AGBL1: variants seen among roughly 807,000 people sequenced by gnomAD.
AGBL1 encodes cytosolic carboxypeptidase 4.
In AGBL1, 130 loss-of-function variants were observed where a neutral mutation model predicts 118.9. The observed-to-expected ratio is 1.09, with a 90% CI of 0.95 to 1.26. The LOEUF is 1.26. Among genes scored for constraint, AGBL1 ranks in the 50% most tolerant of loss-of-function variants. The probability of loss-of-function intolerance (pLI) is 0.00; values close to 1 mark genes in which losing one functional copy is unlikely to be tolerated. For synonymous variants in AGBL1, 555 were observed against 478.9 expected, an observed-to-expected ratio of 1.16 and a Z score of -2.08; for missense variants, 1,584 against 1,298.1, an observed-to-expected ratio of 1.22 and a Z score of -3.38.
rs1056259756 is a variant in AGBL1 at position 86,914,645 on chromosome 15, T to G, written c.*7351T>G. 6.6e-6 allele frequency: 1 copy of G among 152,224 alleles called. No individual in the cohort carries two copies. Among genetic ancestry groups the G allele is most frequent in the African/African-American group, 2.4e-5 (1 of 41,466 alleles). The allele number at this position is 152,224 out of a possible 1,614,324, so 9.4% of individuals were successfully genotyped here. ...TTCAGCCCAACGAGCTAAACTCTGT[T>G]GTTATGCTCACTTTATAAATGAGGG... On this transcript the variant is annotated 3_prime_UTR_variant, in exon 23 of 23. Coordinates refer to ENST00000614907, the MANE Select transcript of AGBL1 (RefSeq NM_001386094.1).
intron 22 of AGBL1, among the ~76,000 whole-genome samples, chr15:86,741,492 T>C (rs2077679582): frequency 7.2e-6 from 1 of 139,842 alleles, no homozygotes; most frequent in South Asian, 2.4e-4. Flanking sequence ...AAATAAGCAC[T>C]GATAATGTAA....
chr15:86,444,291 G>C (rs533853590), intron 18 of AGBL1, among the ~76,000 whole-genome samples: 2 of 152,118 alleles, frequency 1.3e-5, no homozygotes, highest in East Asian at 3.9e-4. Flanking sequence ...TCCTCATTCC[G>C]CTTTTCTTCA....
At chr15:86,178,132 T>A (rs1163366368) in intron 5 of AGBL1, among the ~76,000 whole-genome samples, 3 of 152,116 alleles carry the variant, frequency 2.0e-5, no homozygotes. Flanking sequence ...GCCAACGTGA[T>A]GTAACCCTGT....
chr15:86,937,802 A>C (rs1446595228), intron 23 of AGBL1, among the ~76,000 whole-genome samples: 1 of 152,200 alleles, frequency 6.6e-6, no homozygotes, highest in Non-Finnish European at 1.5e-5. Flanking sequence ...AACTAAAATA[A>C]AAGTTAAAAC....
chr15:86,154,543 C>T lies in AGBL1; in HGVS notation c.376C>T (p.Arg126Cys), dbSNP rs763415157. The part of the protein sequence containing the change: ...QNLLHCLWAL[R>C]VFASSVSMGA... Reference sequence around the variant, plus strand: ...TCTCCTCCACTGTCTCTGGGCTCTGCGTGTGTTTGCCTCCAGTGGTAAGTG... The same window carrying T: ...TCTCCTCCACTGTCTCTGGGCTCTGTGTGTGTTTGCCTCCAGTGGTAAGTG... Residue 126 changes from arginine to cysteine, a missense_variant, in exon 4 of 23, where the codon CGT becomes TGT. Arg to Cys is a radical substitution (Grantham distance 180). Coordinates refer to ENST00000614907, the MANE Select transcript of AGBL1 (RefSeq NM_001386094.1). The T allele has an allele frequency of 8.1e-6, 13 of 1,609,484 alleles. No individual in the cohort carries two copies. The highest frequency in any genetic ancestry group is 7.7e-5 in the South Asian group (7 of 90,370).
chr15:86,838,135 A>G (rs951669048), intron 22 of AGBL1, among the ~76,000 whole-genome samples: 4 of 151,998 alleles, frequency 2.6e-5, no homozygotes, highest in Non-Finnish European at 5.9e-5. Flanking sequence ...CCATTTGGGA[A>G]TTTTTTGGCT....
chr15:86,953,104 G>A (rs115404187), intron 23 of AGBL1, among the ~76,000 whole-genome samples: 252 of 152,196 alleles, frequency 1.7e-3, no homozygotes, highest in African/African-American at 5.7e-3. Flanking sequence ...GTAGTATGAT[G>A]CCTCCAGCTT....
At chr15:86,456,624 C>A (rs1388143738) in intron 18 of AGBL1, among the ~76,000 whole-genome samples, 1 of 152,058 alleles carries the variant, frequency 6.6e-6, no homozygotes, top group Non-Finnish European at 1.5e-5. Context: ...GGCAATAGTC[C>A]CCAAGGAGAA....
At chr15:86,815,362 C>A (rs1402982414) in intron 22 of AGBL1, among the ~76,000 whole-genome samples, 1 of 152,132 alleles carries the variant, frequency 6.6e-6, no homozygotes, top group Non-Finnish European at 1.5e-5. Flanking sequence ...GGTCCACCAC[C>A]AATTTCTAGT....
intron 3 of AGBL1, among the ~76,000 whole-genome samples, chr15:86,150,818 A>C (rs2077097628): frequency 6.6e-6 from 1 of 152,160 alleles, no homozygotes; most frequent in Non-Finnish European, 1.5e-5. Context: ...ACACAACAAA[A>C]AGAATTTTAG....
intron 21 of AGBL1, among the ~76,000 whole-genome samples, chr15:86,640,217 A>G (rs754027123): frequency 2.0e-5 from 3 of 152,168 alleles, no homozygotes; most frequent in Admixed American, 6.6e-5. Flanking sequence ...AAAATAGACA[A>G]ATTCCTTCCA....
chr15:86,688,342 C>T (rs1429551590), intron 22 of AGBL1, among the ~76,000 whole-genome samples: 5 of 152,010 alleles, frequency 3.3e-5, no homozygotes, highest in Admixed American at 6.6e-5. Context: ...CAAGAAGGAA[C>T]AGAGGTCAAG....
intron 5 of AGBL1, among the ~76,000 whole-genome samples, chr15:86,172,114 CA>C (rs1214205525): frequency 6.6e-6 from 1 of 152,036 alleles, no homozygotes; most frequent in Admixed American, 6.6e-5. Flanking sequence ...GATGGTGCAC[CA>C]AAATCTCAGA....
chr15:86,906,589 G>A (rs913929025), intron 22 of AGBL1, among the ~76,000 whole-genome samples: 1 of 152,174 alleles, frequency 6.6e-6, no homozygotes, highest in Non-Finnish European at 1.5e-5. Flanking sequence ...CGAGGGCTTT[G>A]AGTTCTGTCT....
intron 22 of AGBL1, among the ~76,000 whole-genome samples, chr15:86,677,392 C>T (rs969937009): frequency 2.6e-5 from 4 of 152,232 alleles, no homozygotes; most frequent in Non-Finnish European, 1.5e-5. Flanking sequence ...TTTGATCTTT[C>T]CTCTCCTCTT....
At chr15:86,782,957 T>A (rs535665329) in intron 22 of AGBL1, among the ~76,000 whole-genome samples, 20 of 152,312 alleles carry the variant, frequency 1.3e-4, no homozygotes, top group African/African-American at 4.1e-4. Flanking sequence ...ACTAACCAAA[T>A]TCTTTGGCCA....
At chr15:86,685,551 G>C (rs1265157880) in intron 22 of AGBL1, among the ~76,000 whole-genome samples, 1 of 152,084 alleles carries the variant, frequency 6.6e-6, no homozygotes, top group Non-Finnish European at 1.5e-5. Flanking sequence ...AAAATAAGTA[G>C]AAGGAAGAGA....
chr15:86,422,424 A>G (rs2081804190), intron 18 of AGBL1, among the ~76,000 whole-genome samples: 1 of 152,204 alleles, frequency 6.6e-6, no homozygotes, highest in South Asian at 2.1e-4. Flanking sequence ...AACTTACCAC[A>G]ATCTCTGAGA....
chr15:86,575,057 C>G (rs2084067796), intron 21 of AGBL1, among the ~76,000 whole-genome samples: 1 of 151,974 alleles, frequency 6.6e-6, no homozygotes, highest in Non-Finnish European at 1.5e-5. Context: ...GGCATGGTGG[C>G]AGGTGCCTGC....
Sources: allele counts gnomAD v4.1 joint callset (sites outside exome capture counted in the v4.1 genomes callset), GRCh38; gene constraint gnomAD v4.1.1; transcripts MANE v1.5; gene names NCBI Gene and HGNC (gene_info 2026-07-23, HGNC 2026-07-21).